VBP1: variants seen among roughly 807,000 people sequenced by gnomAD.
The protein encoded by VBP1 is prefoldin subunit 3.
In VBP1, 4 loss-of-function variants were observed where a neutral mutation model predicts 15.5. The ratio of observed to expected loss-of-function variants is 0.26; its 90% CI spans 0.13 to 0.59. VBP1 has a LOEUF of 0.59. VBP1 is among the 20% of genes least tolerant of loss of function. The probability of loss-of-function intolerance (pLI) is 0.90; values close to 1 mark genes in which losing one functional copy is unlikely to be tolerated. For missense variants in VBP1, 108 were observed against 139.6 expected (o/e 0.77, Z 1.14); for synonymous variants, 61 against 52.1 (o/e 1.17, Z -0.74).
upstream of VBP1, chrX:155,216,250 A>C: frequency 1.6e-6 from 1 of 624,654 alleles, no homozygotes; most frequent in Non-Finnish European, 2.3e-6. Context: ...CTGTCGCTCC[A>C]GCTTCTCTTT....
intron 1 of VBP1, among the ~76,000 whole-genome samples, chrX:155,202,959 G>A (rs1299078768): frequency 8.9e-6 from 1 of 111,862 alleles, no homozygotes; most frequent in African/African-American, 3.2e-5. Context: ...GACATGAACA[G>A]ACACTTCTCA....
At chrX:155,200,615 T>G (rs1569560847) in intron 1 of VBP1, among the ~76,000 whole-genome samples, 1 of 106,144 alleles carries the variant, frequency 9.4e-6, no homozygotes, top group African/African-American at 3.4e-5. Context: ...AAGCAGTGTG[T>G]AGAGGGAAAT....
rs1251429317 is a variant in VBP1 at position 155,209,568 on chromosome X, G to C, written c.78+587G>C. Among the ~76,000 whole-genome samples the C allele has an allele frequency of 3.6e-5, 4 of 112,461 alleles. No individual in the cohort carries two copies. The East Asian group carries it at 8.3e-4, about 23-fold the overall frequency. ...TTTGGCATTACAGGCAGAAAGAATA[G>C]GTTGAACAAAGAAGTGGAAGTAGGC... On this transcript the variant is annotated intron_variant, in intron 2 of 6. Transcript: ENST00000535916.
chrX:155,205,917 G>C (rs1282700483), intron 1 of VBP1, among the ~76,000 whole-genome samples: 2 of 112,153 alleles, frequency 1.8e-5, no homozygotes, highest in Non-Finnish European at 3.8e-5. Flanking sequence ...CCACTAAACT[G>C]CTAACGTAAA....
At chrX:155,222,261 A>G (rs1030402355) in intron 2 of VBP1, among the ~76,000 whole-genome samples, 1 of 112,374 alleles carries the variant, frequency 8.9e-6, no homozygotes, top group African/African-American at 3.2e-5. Context: ...AGGTGGGCGG[A>G]TCGCTTGAGC....
intron 1 of VBP1, among the ~76,000 whole-genome samples, chrX:155,219,122 T>C (rs2074677772): frequency 8.9e-6 from 1 of 112,271 alleles, no homozygotes; most frequent in Non-Finnish European, 1.9e-5. Context: ...TGTGTTTCTC[T>C]TCCTTTTTCT....
At chrX:155,203,272 AG>A (rs1202575467) in intron 1 of VBP1, among the ~76,000 whole-genome samples, 2 of 111,418 alleles carry the variant, frequency 1.8e-5, no homozygotes, top group Admixed American at 9.5e-5. Context: ...ATATACCCAA[AG>A]GACTATAAGT....
At chrX:155,227,804 C>T (rs997346510) in intron 3 of VBP1, among the ~76,000 whole-genome samples, 4 of 112,110 alleles carry the variant, frequency 3.6e-5, no homozygotes, top group Non-Finnish European at 5.6e-5. Flanking sequence ...ATTTGAGAGT[C>T]TTCTAAGTCT....
intron 1 of VBP1, among the ~76,000 whole-genome samples, chrX:155,207,760 G>T (rs894453911): frequency 4.5e-5 from 5 of 111,553 alleles, no homozygotes; most frequent in Non-Finnish European, 9.4e-5. Context: ...CTCTTATTCA[G>T]TTGGGACCCT....
At chrX:155,203,956 A>G (rs2074617079) in intron 1 of VBP1, among the ~76,000 whole-genome samples, 2 of 111,555 alleles carry the variant, frequency 1.8e-5, no homozygotes, top group African/African-American at 6.5e-5. Flanking sequence ...ATCAAGATCA[A>G]ATTCTAATGA....
chrX:155,237,141 GAA>G (rs2074777765), intron 5 of VBP1, among the ~76,000 whole-genome samples: 1 of 111,766 alleles, frequency 8.9e-6, no homozygotes, highest in African/African-American at 3.3e-5. Context: ...TCAGCAGAGA[GAA>G]GAGGTGGGAG....
At chrX:155,202,912 T>G (rs1157675463) in intron 1 of VBP1, among the ~76,000 whole-genome samples, 8 of 110,373 alleles carry the variant, frequency 7.2e-5, no homozygotes, top group African/African-American at 9.9e-5. Flanking sequence ...AAATTTACAA[T>G]AAAAAATCAA....
chrX:155,203,770 TA>T (rs781986736), intron 1 of VBP1, among the ~76,000 whole-genome samples: 3 of 110,883 alleles, frequency 2.7e-5, no homozygotes, highest in Non-Finnish European at 3.8e-5. Flanking sequence ...AATAATAAAA[TA>T]AAAAAAAGAA....
At chrX:155,202,596 C>A (rs375302666) in intron 1 of VBP1, among the ~76,000 whole-genome samples, 1 of 105,280 alleles carries the variant, frequency 9.5e-6, no homozygotes, top group East Asian at 2.9e-4. Flanking sequence ...ACACCTTATA[C>A]AAAAATTAAT....
chrX:155,212,175 A>G (rs1364257198), upstream of VBP1, among the ~76,000 whole-genome samples: 1 of 112,248 alleles, frequency 8.9e-6, no homozygotes, highest in African/African-American at 3.2e-5. Flanking sequence ...GAAATGCACC[A>G]TCTCTCCCAA....
At chrX:155,208,510 A>G (rs1569560880) in intron 1 of VBP1, among the ~76,000 whole-genome samples, 1 of 112,283 alleles carries the variant, frequency 8.9e-6, no homozygotes, top group Non-Finnish European at 1.9e-5. Context: ...TTCCATGTCC[A>G]CCTACAAACT....
At chrX:155,213,260 T>C (rs1188594285), upstream of VBP1, among the ~76,000 whole-genome samples, 1 of 111,859 alleles carries the variant, frequency 8.9e-6, no homozygotes, top group Non-Finnish European at 1.9e-5. Flanking sequence ...TTGGCATCTC[T>C]CTGAAGGCCT....
intron 1 of VBP1, among the ~76,000 whole-genome samples, chrX:155,202,719 C>T (rs1483542182): frequency 9.4e-6 from 1 of 106,782 alleles, no homozygotes; most frequent in African/African-American, 3.5e-5. Flanking sequence ...ATGTCTAAAA[C>T]ACCAAAAGCA....
chrX:155,224,845 A>G (rs2074711982), intron 2 of VBP1, among the ~76,000 whole-genome samples: 1 of 111,129 alleles, frequency 9.0e-6, no homozygotes, highest in Non-Finnish European at 1.9e-5. Context: ...CTGTTTACAG[A>G]TGTTGACACT....
Sources: gnomAD v4.1 joint callset for allele counts (sites outside exome capture counted in the v4.1 genomes callset) on GRCh38, gnomAD v4.1.1 for gene constraint, MANE v1.5 for transcripts, NCBI Gene and HGNC (gene_info 2026-07-23, HGNC 2026-07-21) for gene names.